The following ATP6V0E1 variants were observed in gnomAD, a reference collection of about 807,000 sequenced individuals.
ATP6V0E1 encodes the protein V-type proton ATPase subunit e 1.
ATP6V0E1 carries 4 observed loss-of-function variants against 11.6 expected under a neutral mutation model. The ratio of observed to expected loss-of-function variants is 0.35; its 90% confidence interval spans 0.17 to 0.79. ATP6V0E1 has a LOEUF of 0.79. Ranked by LOEUF, ATP6V0E1 falls within the 30% of genes least tolerant of loss-of-function variation. ATP6V0E1 has a pLI of 0.54. For synonymous variants in ATP6V0E1, 36 were observed against 34.8 expected (o/e 1.04, Z -0.13); for missense variants, 105 against 100.0 (o/e 1.05, Z -0.21).
intron 1 of ATP6V0E1, among the ~76,000 whole-genome samples, chr5:172,990,550 C>T (rs560609084): frequency 2.2e-4 from 34 of 151,794 alleles, no homozygotes; most frequent in African/African-American, 3.9e-4. Context: ...ATGGGCTAGC[C>T]GGGCATGGTG....
At chr5:173,010,544 C>T (rs1358172007) in intron 2 of ATP6V0E1, among the ~76,000 whole-genome samples, 7 of 152,218 alleles carry the variant, frequency 4.6e-5, no homozygotes, top group African/African-American at 1.7e-4. Context: ...TAAAATCCGA[C>T]TCTGTCTAAT....
intron 2 of ATP6V0E1, among the ~76,000 whole-genome samples, chr5:172,999,995 AAAATTG>A (rs1756129663): frequency 6.6e-6 from 1 of 152,226 alleles, no homozygotes; most frequent in Admixed American, 6.5e-5. Flanking sequence ...TTCTATTAAA[AAAATTG>A]AAATTCAAAG....
chr5:172,987,817 G>A (rs1755919098), intron 1 of ATP6V0E1, among the ~76,000 whole-genome samples: 1 of 151,952 alleles, frequency 6.6e-6, no homozygotes, highest in African/African-American at 2.4e-5. Context: ...AGGCTCAAGG[G>A]ATCCGTCCAC....
chr5:173,023,967 C>A (rs906167966), intron 3 of ATP6V0E1, among the ~76,000 whole-genome samples: 1 of 151,886 alleles, frequency 6.6e-6, no homozygotes, highest in African/African-American at 2.4e-5. Context: ...GGAGGCAAGG[C>A]GAGTGGGTCA....
chr5:173,031,543 G>T (rs1756652541), intron 3 of ATP6V0E1, among the ~76,000 whole-genome samples: 1 of 151,348 alleles, frequency 6.6e-6, no homozygotes, highest in Non-Finnish European at 1.5e-5. Flanking sequence ...TCCTGGCCAG[G>T]CGAGGTGGCT....
intron 3 of ATP6V0E1, among the ~76,000 whole-genome samples, chr5:173,025,287 G>A (rs1226330340): frequency 2.0e-5 from 3 of 150,456 alleles, no homozygotes; most frequent in Non-Finnish European, 4.4e-5. Flanking sequence ...TGGGACTATA[G>A]GCACACACCA....
At chr5:173,033,869 CAAAA>C (rs887280474) in intron 3 of ATP6V0E1, among the ~76,000 whole-genome samples, 8 of 150,264 alleles carry the variant, frequency 5.3e-5, no homozygotes, top group Non-Finnish European at 1.0e-4. Flanking sequence ...TAAAACAAAA[CAAAA>C]AAAAAGATGG....
chr5:173,034,015 T>C (rs1333292210), intron 3 of ATP6V0E1, among the ~76,000 whole-genome samples: 1 of 152,228 alleles, frequency 6.6e-6, no homozygotes, highest in Non-Finnish European at 1.5e-5. Context: ...CCCAGGAGCC[T>C]GGCCCCAGAG....
chr5:173,005,646 A>G (rs1303459166), intron 2 of ATP6V0E1, among the ~76,000 whole-genome samples: 2 of 152,136 alleles, frequency 1.3e-5, no homozygotes, highest in South Asian at 2.1e-4. Context: ...ACTTTCCTGT[A>G]TCTTTTTGTC....
chr5:172,993,108 G>A (rs1422600062), intron 1 of ATP6V0E1, among the ~76,000 whole-genome samples: 2 of 152,112 alleles, frequency 1.3e-5, no homozygotes, highest in Non-Finnish European at 2.9e-5. Context: ...ACAAGGCAGT[G>A]GTTTTTATCT....
chr5:173,007,659 A>G (rs961146230), intron 2 of ATP6V0E1, among the ~76,000 whole-genome samples: 2 of 152,196 alleles, frequency 1.3e-5, no homozygotes, highest in African/African-American at 4.8e-5. Flanking sequence ...TTACTAAAAG[A>G]TACAAAGAAA....
chr5:173,014,148 G>T (rs112955718), intron 2 of ATP6V0E1, among the ~76,000 whole-genome samples: 100 of 144,724 alleles, frequency 6.9e-4, no homozygotes, highest in Admixed American at 3.2e-3. Flanking sequence ...GCCGTAAAGG[G>T]AGACTCCATC....
At chr5:173,020,628 T>C (rs796568343) in intron 3 of ATP6V0E1, 18 of 537,416 alleles carry the variant, frequency 3.3e-5, no homozygotes, top group South Asian at 2.5e-4. Context: ...GCATGCACTC[T>C]TTCAGACGCA....
At chr5:173,019,373 G>A (rs1437057409) in intron 2 of ATP6V0E1, among the ~76,000 whole-genome samples, 1 of 152,100 alleles carries the variant, frequency 6.6e-6, no homozygotes, top group African/African-American at 2.4e-5. Context: ...GGCTAACACG[G>A]TGAAAACCCA....
At chr5:172,995,330 G>A (rs904807994) in intron 2 of ATP6V0E1, among the ~76,000 whole-genome samples, 2 of 152,198 alleles carry the variant, frequency 1.3e-5, no homozygotes, top group African/African-American at 4.8e-5. Context: ...TCAAACTCCT[G>A]ACCTCAAGTG....
chr5:172,990,624 C>G (rs1414957767), intron 1 of ATP6V0E1, among the ~76,000 whole-genome samples: 1 of 151,552 alleles, frequency 6.6e-6, no homozygotes. Flanking sequence ...GTCGGGAGTT[C>G]AAGACCAGCC....
At chr5:172,986,442 G>A (rs1403705689) in intron 1 of ATP6V0E1, among the ~76,000 whole-genome samples, 1 of 152,122 alleles carries the variant, frequency 6.6e-6, no homozygotes, top group South Asian at 2.1e-4. Flanking sequence ...GCAACACAGC[G>A]AGACCTTATC....
At chr5:173,012,501 C>A (rs1012916760) in intron 2 of ATP6V0E1, among the ~76,000 whole-genome samples, 1 of 151,856 alleles carries the variant, frequency 6.6e-6, no homozygotes, top group African/African-American at 2.4e-5. Context: ...GCCTTTAATC[C>A]CAGCACTTTG....
chr5:173,024,063 TG>T (rs1756521046), intron 3 of ATP6V0E1, among the ~76,000 whole-genome samples: 4 of 151,168 alleles, frequency 2.6e-5, no homozygotes, highest in Admixed American at 2.6e-4. Context: ...CCAGGCATGG[TG>T]GTGGGCGCCT....
Sources: gnomAD v4.1 joint callset for allele counts (sites outside exome capture counted in the v4.1 genomes callset) on GRCh38, gnomAD v4.1.1 for gene constraint, MANE v1.5 for transcripts, NCBI Gene and HGNC (gene_info 2026-07-23, HGNC 2026-07-21) for gene names.